Variants in AGAP4 observed in about 807,000 individuals in gnomAD.
The protein encoded by AGAP4 is ArfGAP with GTPase domain, ankyrin repeat and PH domain 4, also known as arf-GAP with GTPase, ANK repeat and PH domain-containing protein 4.
AGAP4 carries 13 observed loss-of-function variants against 60.7 expected under a neutral mutation model. That is an observed-to-expected ratio of 0.21 (90% CI 0.14 to 0.34). AGAP4 has a LOEUF of 0.34. Ranked by LOEUF, AGAP4 falls within the 10% of genes least tolerant of loss-of-function variation. AGAP4 has a pLI of 1.00. For synonymous variants in AGAP4, 70 were observed against 339.0 expected (o/e 0.21, Z 8.72); for missense variants, 169 against 884.0 (o/e 0.19, Z 10.26).
intron 4 of AGAP4, among the ~76,000 whole-genome samples, chr10:45,839,444 CCT>C (rs1389487595): frequency 9.0e-6 from 1 of 111,504 alleles, no homozygotes; most frequent in East Asian, 3.2e-4. Context: ...ATATATCAAA[CCT>C]GAGAATTTCT....
chr10:45,852,440 T>C (rs2059096736), upstream of AGAP4, among the ~76,000 whole-genome samples: 1 of 145,698 alleles, frequency 6.9e-6, no homozygotes, highest in African/African-American at 2.5e-5. Flanking sequence ...TGGGTTTAAT[T>C]TTTCCCACAA....
In AGAP4 at chr10:45,829,345, G is replaced by C. The variant is rs375528559; in HGVS notation, c.534-1265C>G. ...AACCAGAAGCGCTTTTTTTTTTTTT[G>C]TTTTTAAAGAATCCGTGATTTAACT... On this transcript the variant is annotated intron_variant, in intron 6 of 7. Transcript: ENST00000616763. Among the ~76,000 whole-genome samples the C allele has an allele frequency of 1.2e-3, 148 of 119,568 alleles. 11 individuals carry two copies. Among genetic ancestry groups the C allele is most frequent in the Admixed American group, 2.7e-3 (34 of 12,448 alleles). The allele number at this position is 119,568 out of a possible 152,430, so 78.4% of individuals were successfully genotyped here.
intron 6 of AGAP4, among the ~76,000 whole-genome samples, chr10:45,830,738 G>A (rs2058719739): frequency 7.7e-6 from 1 of 130,264 alleles, no homozygotes; most frequent in Non-Finnish European, 1.7e-5. Context: ...GCCCGCCTCA[G>A]CCTCCCAAAG....
intron 4 of AGAP4, among the ~76,000 whole-genome samples, chr10:45,839,622 A>T (rs1656592): frequency 0.3 from 23,875 of 80,392 alleles, 5,658 homozygotes; most frequent in African/African-American, 0.44. Context: ...ATGTCTTCAA[A>T]AAAGATCCCC....
intron 4 of AGAP4, among the ~76,000 whole-genome samples, chr10:45,834,694 A>AAAAAG (rs1564856375): frequency 8.7e-5 from 11 of 125,830 alleles, no homozygotes; most frequent in East Asian, 4.6e-4. Context: ...AAAAAAAAAA[A>AAAAAG]AAAAGAAAAG....
intron 7 of AGAP4, 41 bp from the exon 8 acceptor site, chr10:45,827,431 A>G: frequency 2.2e-6 from 2 of 929,614 alleles, no homozygotes; most frequent in Non-Finnish European, 3.2e-6. Flanking sequence ...AAAATTGGGT[A>G]GTGGCTTGCA....
chr10:45,831,915 T>G (rs1269183058), intron 5 of AGAP4, among the ~76,000 whole-genome samples: 7 of 148,122 alleles, frequency 4.7e-5, no homozygotes, highest in Admixed American at 2.0e-4. Context: ...AATGTTTTTT[T>G]GGGGGGTGGG....
chr10:45,847,143 C>T lies in AGAP4; in HGVS notation c.205G>A (p.Asp69Asn). 1 of 1,599,178 alleles carries T rather than the reference C, an allele frequency of 6.3e-7. No homozygotes were observed. The highest frequency in any genetic ancestry group is 8.5e-7 in the Non-Finnish European group (1 of 1,179,376). The change falls in exon 1 of 8, where the codon GAC (aspartate) becomes AAC (asparagine). Residue 69 changes from aspartate to asparagine, a missense_variant. By Grantham distance (23) the Asp-to-Asn change is conservative. Transcript: ENST00000616763. ...GEDLHMHHVRDREMPEALEFN... is the reference protein window; with the variant it reads ...GEDLHMHHVRNREMPEALEFN... ...TCCTCACCTTCAGGCATCTCCCGGTCACGAACGTGGTGCATGTGGAGGTCC... is the reference window on the plus strand; with the variant it reads ...TCCTCACCTTCAGGCATCTCCCGGTTACGAACGTGGTGCATGTGGAGGTCC...
chr10:45,850,835 TCA>T (rs2059074811), upstream of AGAP4, among the ~76,000 whole-genome samples: 1 of 151,896 alleles, frequency 6.6e-6, no homozygotes, highest in African/African-American at 2.4e-5. Context: ...TTTTTTACTC[TCA>T]GTGTCACATT....
At chr10:45,849,646 T>G (rs1182614873), upstream of AGAP4, among the ~76,000 whole-genome samples, 4 of 150,716 alleles carry the variant, frequency 2.7e-5, no homozygotes, top group Non-Finnish European at 5.9e-5. Context: ...GAACACTATT[T>G]TTTTTTTTTT....
chr10:45,828,634 C>G (rs1263388863), intron 6 of AGAP4, among the ~76,000 whole-genome samples: 1 of 145,480 alleles, frequency 6.9e-6, no homozygotes, highest in African/African-American at 2.5e-5. Flanking sequence ...CTCTGTGGAC[C>G]TCTCGGGATC....
At chr10:45,849,946 T>G (rs1395114315), upstream of AGAP4, among the ~76,000 whole-genome samples, 2 of 151,238 alleles carry the variant, frequency 1.3e-5, no homozygotes, top group East Asian at 3.9e-4. Context: ...TTTTTATTTT[T>G]TTTGAGACAG....
chr10:45,852,164 G>A (rs1414511579), upstream of AGAP4, among the ~76,000 whole-genome samples: 3 of 147,700 alleles, frequency 2.0e-5, no homozygotes, highest in East Asian at 2.0e-4. Context: ...TGCCCGCCTC[G>A]GCCTCCCACA....
intron 2 of AGAP4, among the ~76,000 whole-genome samples, chr10:45,845,400 G>T (rs1168691926): frequency 0.025 from 2,490 of 98,932 alleles, 798 homozygotes; most frequent in Non-Finnish European, 0.039. Flanking sequence ...CCTACTGGAT[G>T]TAATATGTTT....
chr10:45,841,605 C>T, intron 4 of AGAP4, 48 bp downstream of exon 4: 2 of 924,758 alleles, frequency 2.2e-6, no homozygotes, highest in South Asian at 3.7e-5. Context: ...GAGAGACATC[C>T]TTTTATGTCA....
upstream of AGAP4, among the ~76,000 whole-genome samples, chr10:45,851,489 G>A (rs1208843831): frequency 6.6e-6 from 1 of 152,026 alleles, no homozygotes; most frequent in Non-Finnish European, 1.5e-5. Context: ...TTGGGCTTGT[G>A]TGTGTGTGTG....
chr10:45,846,922 C>T (rs1253846085), intron 1 of AGAP4, among the ~76,000 whole-genome samples, 167 bp from the exon 2 acceptor site: 46 of 150,154 alleles, frequency 3.1e-4, no homozygotes, highest in Admixed American at 1.5e-3. Flanking sequence ...GGAGGGGAGG[C>T]GAAAAGAAAC....
At chr10:45,849,801 C>T (rs1268920070), upstream of AGAP4, among the ~76,000 whole-genome samples, 4 of 151,244 alleles carry the variant, frequency 2.6e-5, no homozygotes, top group Non-Finnish European at 5.9e-5. Flanking sequence ...CCACCATGCC[C>T]AGCTAATTTT....
chr10:45,851,202 C>T (rs1256864192), upstream of AGAP4, among the ~76,000 whole-genome samples: 2 of 151,892 alleles, frequency 1.3e-5, no homozygotes, highest in African/African-American at 2.4e-5. Context: ...GTAAGGAGAA[C>T]TGGGAAGAAA....
Sources: gnomAD v4.1 joint callset for allele counts (sites outside exome capture counted in the v4.1 genomes callset) on GRCh38, gnomAD v4.1.1 for gene constraint, MANE v1.5 for transcripts, NCBI Gene and HGNC (gene_info 2026-07-23, HGNC 2026-07-21) for gene names.